SLC24A3: variants seen among roughly 807,000 people sequenced by gnomAD.
SLC24A3 encodes sodium/potassium/calcium exchanger 3.
A neutral mutation model predicts 75.8 loss-of-function variants in SLC24A3; 28 were observed. The observed-to-expected ratio is 0.37, with a 90% CI of 0.27 to 0.51. The LOEUF (loss-of-function observed/expected upper bound fraction) is 0.51. Among genes scored for constraint, SLC24A3 ranks in the 20% least tolerant of loss-of-function variants. The pLI, the probability that SLC24A3 is intolerant of heterozygous loss-of-function variation, is 0.94. For synonymous variants in SLC24A3, 372 were observed against 334.1 expected, an observed-to-expected ratio of 1.11 and a Z score of -1.24; for missense variants, 663 against 847.8, an observed-to-expected ratio of 0.78 and a Z score of 2.71.
intron 2 of SLC24A3, among the ~76,000 whole-genome samples, chr20:19,429,132 T>C (rs185135884): frequency 6.6e-6 from 1 of 152,358 alleles, no homozygotes; most frequent in Admixed American, 6.5e-5. Flanking sequence ...GGTTACTAAA[T>C]GCAAAAGAGG....
At chr20:19,608,609 C>A (rs2031628615) in intron 6 of SLC24A3, among the ~76,000 whole-genome samples, 1 of 152,122 alleles carries the variant, frequency 6.6e-6, no homozygotes. Flanking sequence ...TATAGAATGA[C>A]CGTGTCACAA....
intron 3 of SLC24A3, among the ~76,000 whole-genome samples, chr20:19,564,610 A>G (rs749413037): frequency 6.6e-6 from 1 of 152,196 alleles, no homozygotes; most frequent in South Asian, 2.1e-4. Flanking sequence ...GAACTTATAC[A>G]TCCAAGTAGC....
chr20:19,248,319 A>C (rs1982554306), intron 1 of SLC24A3, among the ~76,000 whole-genome samples: 1 of 152,220 alleles, frequency 6.6e-6, no homozygotes, highest in South Asian at 2.1e-4. Flanking sequence ...AGAATTGTAA[A>C]CATTACCATG....
chr20:19,572,854 A>G (rs1000353649), intron 3 of SLC24A3, among the ~76,000 whole-genome samples: 7 of 152,218 alleles, frequency 4.6e-5, no homozygotes, highest in Non-Finnish European at 7.3e-5. Flanking sequence ...TCATGGGGCT[A>G]TTAGATACAG....
intron 2 of SLC24A3, among the ~76,000 whole-genome samples, chr20:19,413,198 G>A (rs771108516): frequency 2.0e-5 from 3 of 152,166 alleles, no homozygotes; most frequent in Non-Finnish European, 4.4e-5. Context: ...TGGACCTATA[G>A]CTAGTTACAT....
rs1325867485 is a variant in SLC24A3 at position 19,678,363 on chromosome 20, C to A, written c.768-3495C>A. On this transcript the variant is annotated intron_variant, in intron 9 of 16. Transcript: ENST00000328041. ...TGACCCCCCCCACCTCCCTCCCGGACGGGGCGGCTGGCCGGGCAGAGGGGC... is the reference window on the plus strand; with the variant it reads ...TGACCCCCCCCACCTCCCTCCCGGAAGGGGCGGCTGGCCGGGCAGAGGGGC... 1.7e-5 allele frequency among the ~76,000 whole-genome samples: 2 copies of A among 119,824 alleles called. 1 individual carries two copies. Among genetic ancestry groups the A allele is most frequent in the Non-Finnish European group, 3.6e-5 (2 of 55,794 alleles). The allele number at this position is 119,824 out of a possible 152,430, so 78.6% of individuals were successfully genotyped here. A position where few individuals can be genotyped will look rare whatever the true frequency, so the allele number is the denominator to read the frequency against.
intron 4 of SLC24A3, among the ~76,000 whole-genome samples, chr20:19,582,159 T>G (rs1180750210): frequency 6.6e-6 from 1 of 152,252 alleles, no homozygotes; most frequent in Non-Finnish European, 1.5e-5. Context: ...GAATCAGTTC[T>G]CCCTGGAGTT....
At chr20:19,229,022 C>T (rs900257315) in intron 1 of SLC24A3, among the ~76,000 whole-genome samples, 1 of 152,198 alleles carries the variant, frequency 6.6e-6, no homozygotes, top group Non-Finnish European at 1.5e-5. Context: ...ATAGTGCTGC[C>T]TGCCTTACAG....
At chr20:19,214,810 C>T (rs1171405314) in intron 1 of SLC24A3, among the ~76,000 whole-genome samples, 1 of 152,172 alleles carries the variant, frequency 6.6e-6, no homozygotes. Context: ...GCCTTTTCCG[C>T]ATCCCTCCCT....
chr20:19,235,523 C>T (rs1274210987), intron 1 of SLC24A3, among the ~76,000 whole-genome samples: 1 of 152,176 alleles, frequency 6.6e-6, no homozygotes, highest in East Asian at 1.9e-4. Flanking sequence ...ATCAGAGCAG[C>T]GTCTGGGAAG....
At chr20:19,434,173 T>C (rs1312851166) in intron 2 of SLC24A3, among the ~76,000 whole-genome samples, 3 of 152,212 alleles carry the variant, frequency 2.0e-5, no homozygotes, top group East Asian at 3.8e-4. Flanking sequence ...GATTTAGGAC[T>C]ACATTTGTGC....
At chr20:19,682,068 C>A in intron 10 of SLC24A3, 77 bp downstream of exon 10, 2 of 1,474,086 alleles carry the variant, frequency 1.4e-6, no homozygotes, top group East Asian at 2.3e-5. Context: ...GCCTGGCCAA[C>A]ATGGCAAATC....
At chr20:19,421,774 G>A (rs977019229) in intron 2 of SLC24A3, among the ~76,000 whole-genome samples, 11 of 152,196 alleles carry the variant, frequency 7.2e-5, no homozygotes, top group African/African-American at 1.9e-4. Flanking sequence ...CATGGGCTTC[G>A]CGCCTCACAG....
chr20:19,429,394 A>G (rs891801792), intron 2 of SLC24A3, among the ~76,000 whole-genome samples: 1 of 152,252 alleles, frequency 6.6e-6, no homozygotes, highest in Non-Finnish European at 1.5e-5. Flanking sequence ...TTGCAGCATA[A>G]TGCTGAAACT....
At chr20:19,670,153 C>G (rs949745089) in intron 8 of SLC24A3, among the ~76,000 whole-genome samples, 1 of 151,762 alleles carries the variant, frequency 6.6e-6, no homozygotes, top group African/African-American at 2.4e-5. Flanking sequence ...GATGCAGACC[C>G]TTCACATGTA....
At chr20:19,630,038 A>T (rs1160234762) in intron 6 of SLC24A3, among the ~76,000 whole-genome samples, 1 of 152,244 alleles carries the variant, frequency 6.6e-6, no homozygotes, top group Admixed American at 6.5e-5. Context: ...AAATCACTTA[A>T]TTCTGGTATA....
chr20:19,243,531 C>T (rs1452833433), intron 1 of SLC24A3, among the ~76,000 whole-genome samples: 1 of 152,196 alleles, frequency 6.6e-6, no homozygotes. Flanking sequence ...GTCTGTCTTT[C>T]TAAAGTTTAT....
At chr20:19,514,405 C>CAT (rs763426906) in intron 2 of SLC24A3, among the ~76,000 whole-genome samples, 40 of 152,340 alleles carry the variant, frequency 2.6e-4, no homozygotes, top group Middle Eastern at 6.8e-3. Context: ...TATCATCTAG[C>CAT]ATATCCTCCC....
intron 2 of SLC24A3, among the ~76,000 whole-genome samples, chr20:19,333,638 T>A (rs1875966850): frequency 1.3e-5 from 2 of 150,868 alleles, no homozygotes; most frequent in Admixed American, 6.6e-5. Context: ...TGTGTGTGTG[T>A]GTGAGTGTGT....
Sources: allele counts gnomAD v4.1 joint callset (sites outside exome capture counted in the v4.1 genomes callset), GRCh38; gene constraint gnomAD v4.1.1; transcripts MANE v1.5; gene names NCBI Gene and HGNC (gene_info 2026-07-23, HGNC 2026-07-21).